GPR39: variants seen among roughly 807,000 people sequenced by gnomAD.
GPR39 encodes the protein G protein-coupled receptor 39.
Under a neutral mutation model 18.4 loss-of-function variants are expected in GPR39, and 23 were observed. That is an observed-to-expected ratio of 1.25 (90% confidence interval 0.90 to 1.77). The LOEUF is 1.77. Among genes scored for constraint, GPR39 ranks in the 40% most tolerant of loss-of-function variants. The pLI is 0.00. For missense variants in GPR39, 647 were observed against 602.4 expected (o/e 1.07, Z -0.78); for synonymous variants, 280 against 257.9 (o/e 1.09, Z -0.82).
At chr2:132,563,697 A>G (rs547251798) in intron 1 of GPR39, among the ~76,000 whole-genome samples, 79 of 152,288 alleles carry the variant, frequency 5.2e-4, no homozygotes, top group Non-Finnish European at 8.4e-4. Flanking sequence ...AGAAATCCCA[A>G]TGCTCAGGCC....
chr2:132,532,171 C>G (rs1307306977), intron 1 of GPR39, among the ~76,000 whole-genome samples: 1 of 152,140 alleles, frequency 6.6e-6, no homozygotes, highest in Non-Finnish European at 1.5e-5. Context: ...ATATCACCAC[C>G]AATCCCACAG....
intron 1 of GPR39, among the ~76,000 whole-genome samples, chr2:132,441,163 G>A (rs1175811737): frequency 1.3e-5 from 2 of 151,978 alleles, no homozygotes; most frequent in East Asian, 3.9e-4. Context: ...CTCTGTTCTG[G>A]GCCCAAAGTG....
intron 1 of GPR39, among the ~76,000 whole-genome samples, chr2:132,547,068 A>AC (rs1450237682): frequency 6.6e-6 from 1 of 152,052 alleles, no homozygotes; most frequent in African/African-American, 2.4e-5. Flanking sequence ...AGCAAGCCGC[A>AC]CCGACAGAGG....
rs578221591 is a variant in GPR39, at chr2:132,445,894, G to A, written c.856+27996G>A. 1.6e-3 allele frequency among the ~76,000 whole-genome samples: 238 copies of A among 152,294 alleles called. 3 individuals are homozygous for A. Among genetic ancestry groups the A allele is most frequent in the African/African-American group, 5.6e-3 (234 of 41,568 alleles). On this transcript the variant is annotated intron_variant, in intron 1 of 1. Transcript: ENST00000329321. ...GGTCAGTGGTCACCAGCGGGCTCAG[G>A]AGGAGACAGGGGCTTGTCTGGCATA... is the stretch of plus-strand genomic sequence containing the variant.
intron 1 of GPR39, among the ~76,000 whole-genome samples, chr2:132,492,230 TACCATATATATACATACCATATATAC>T (rs1681482493): frequency 6.4e-5 from 9 of 140,834 alleles, no homozygotes; most frequent in South Asian, 2.2e-4. Context: ...ACCATATATA[TACCATATATATACATACCATATATAC>T]ACCATATATA....
chr2:132,464,172 A>T (rs990953647), intron 1 of GPR39, among the ~76,000 whole-genome samples: 4 of 152,240 alleles, frequency 2.6e-5, no homozygotes, highest in Non-Finnish European at 5.9e-5. Flanking sequence ...AAGAAGAAGT[A>T]TCACATGAGC....
intron 1 of GPR39, among the ~76,000 whole-genome samples, chr2:132,538,094 A>G (rs1026201429): frequency 6.6e-6 from 1 of 151,858 alleles, no homozygotes; most frequent in African/African-American, 2.4e-5. Context: ...CTTGCTGGAG[A>G]AGTGTTGCAG....
At chr2:132,626,164 C>T (rs897876637) in intron 1 of GPR39, among the ~76,000 whole-genome samples, 1 of 151,982 alleles carries the variant, frequency 6.6e-6, no homozygotes, top group African/African-American at 2.4e-5. Context: ...CCCAAGGTGA[C>T]ACTGCTGGTT....
chr2:132,437,786 T>C (rs922079504), intron 1 of GPR39, among the ~76,000 whole-genome samples: 2 of 152,134 alleles, frequency 1.3e-5, no homozygotes, highest in Admixed American at 1.3e-4. Flanking sequence ...AAGGCTGACA[T>C]GTCAAGGGAG....
At chr2:132,499,405 G>A (rs1681710810) in intron 1 of GPR39, among the ~76,000 whole-genome samples, 2 of 152,070 alleles carry the variant, frequency 1.3e-5, no homozygotes, top group South Asian at 4.1e-4. Context: ...TGTTCCCTTG[G>A]TCTAGGTGCC....
intron 1 of GPR39, among the ~76,000 whole-genome samples, chr2:132,446,835 G>C (rs373307276): frequency 6.6e-6 from 1 of 152,118 alleles, no homozygotes; most frequent in South Asian, 2.1e-4. Flanking sequence ...TGGGGACAGG[G>C]ATGAAGGTGA....
intron 1 of GPR39, among the ~76,000 whole-genome samples, chr2:132,489,948 G>A (rs1681424222): frequency 6.6e-6 from 1 of 152,030 alleles, no homozygotes; most frequent in African/African-American, 2.4e-5. Flanking sequence ...CAGAGGATCA[G>A]CTCTGGGAGG....
At chr2:132,551,214 C>T (rs1041030540) in intron 1 of GPR39, among the ~76,000 whole-genome samples, 1 of 149,636 alleles carries the variant, frequency 6.7e-6, no homozygotes, top group Non-Finnish European at 1.5e-5. Context: ...TGCCAGCCAT[C>T]ATGTCTGCAT....
chr2:132,547,300 A>G (rs1323114790), intron 1 of GPR39, among the ~76,000 whole-genome samples: 1 of 152,192 alleles, frequency 6.6e-6, no homozygotes, highest in Non-Finnish European at 1.5e-5. Flanking sequence ...GGGGGCAGCA[A>G]TGCACGTACA....
At chr2:132,565,501 T>C (rs1680333650) in intron 1 of GPR39, among the ~76,000 whole-genome samples, 1 of 149,466 alleles carries the variant, frequency 6.7e-6, no homozygotes, top group Non-Finnish European at 1.5e-5. Context: ...CTGCATCCAC[T>C]AACTCGTCAT....
chr2:132,637,941 G>T (rs1239841418), intron 1 of GPR39, among the ~76,000 whole-genome samples: 1 of 152,176 alleles, frequency 6.6e-6, no homozygotes, highest in Non-Finnish European at 1.5e-5. Flanking sequence ...TGTGGGCTGG[G>T]AATGGTTGCA....
intron 1 of GPR39, among the ~76,000 whole-genome samples, chr2:132,577,569 G>A (rs3115010): frequency 0.53 from 80,393 of 152,062 alleles, 22,461 homozygotes; most frequent in East Asian, 0.92. Context: ...TTTCAACAGC[G>A]TTGTATAGTT....
At chr2:132,419,746 T>A (rs748096164) in intron 1 of GPR39, among the ~76,000 whole-genome samples, 3 of 152,204 alleles carry the variant, frequency 2.0e-5, no homozygotes, top group Admixed American at 6.5e-5. Context: ...ATTTCCTTTT[T>A]TTTTGATCGG....
chr2:132,488,494 T>C (rs1439985971), intron 1 of GPR39: 1 of 153,798 alleles, frequency 6.5e-6, no homozygotes, highest in Non-Finnish European at 1.5e-5. Context: ...GAATTTCATA[T>C]CCTTTTCTTC....
Sources: gnomAD v4.1 joint callset for allele counts (sites outside exome capture counted in the v4.1 genomes callset) on GRCh38, gnomAD v4.1.1 for gene constraint, MANE v1.5 for transcripts, NCBI Gene and HGNC (gene_info 2026-07-23, HGNC 2026-07-21) for gene names.